The following DIDO1 variants were observed in gnomAD, a reference collection of about 807,000 sequenced individuals.
The protein encoded by DIDO1 is death-inducer obliterator 1.
A neutral mutation model predicts 99.4 loss-of-function variants in DIDO1; 16 were observed. The observed-to-expected ratio is 0.16, with a 90% CI of 0.11 to 0.24. The LOEUF (loss-of-function observed/expected upper bound fraction) is 0.24. DIDO1 is among the 10% of genes least tolerant of loss of function. DIDO1 has a pLI of 1.00. For missense variants in DIDO1, 2,996 were observed against 3,014.0 expected (o/e 0.99, Z 0.14); for synonymous variants, 1,366 against 1,239.1 (o/e 1.10, Z -2.15).
At chr20:62,926,677 A>G (rs1354191419), upstream of DIDO1, among the ~76,000 whole-genome samples, 1 of 152,158 alleles carries the variant, frequency 6.6e-6, no homozygotes, top group Non-Finnish European at 1.5e-5. Flanking sequence ...TGCACTGACA[A>G]TGACTTGCTT....
At chr20:62,895,908 G>A (rs2064509311) in intron 8 of DIDO1, among the ~76,000 whole-genome samples, 1 of 152,226 alleles carries the variant, frequency 6.6e-6, no homozygotes, top group African/African-American at 2.4e-5. Flanking sequence ...CTGGGATGAA[G>A]AACTGGACTT....
intron 4 of DIDO1, among the ~76,000 whole-genome samples, chr20:62,908,131 C>T (rs1187274874): frequency 6.6e-6 from 1 of 152,108 alleles, no homozygotes; most frequent in Admixed American, 6.5e-5. Context: ...AGGCACATAC[C>T]ACCACGCCCA....
intron 1 of DIDO1, among the ~76,000 whole-genome samples, chr20:62,936,720 T>G (rs926052059): frequency 7.5e-5 from 11 of 146,514 alleles, no homozygotes; most frequent in African/African-American, 2.8e-4. Context: ...AAAAATTAGC[T>G]GGGCGTGGTG....
At chr20:62,930,109 A>G (rs111258417), upstream of DIDO1, among the ~76,000 whole-genome samples, 1 of 151,960 alleles carries the variant, frequency 6.6e-6, no homozygotes, top group East Asian at 1.9e-4. Flanking sequence ...GCGTGGTGGC[A>G]GGCGCCTGTA....
Position 62,937,331 on chromosome 20 carries a change from C to G in DIDO1, c.-200+465G>C, listed in dbSNP as rs2065400187. Among the ~76,000 whole-genome samples the G allele has an allele frequency of 3.9e-5, 6 of 152,316 alleles. No individual in the cohort carries two copies. In the South Asian group the frequency reaches 1.2e-3, roughly 32 times the overall value. ...GACAGGCAATAAGCAAGTAAACGCG[C>G]AAATACCCAAGTGCGGCCTCAACCC... On this transcript the variant is annotated intron_variant, in intron 1 of 15. Coordinates refer to the DIDO1 transcript ENST00000266070.
At chr20:62,893,006 C>G (rs756077267) in intron 12 of DIDO1, 44 bp from the exon 13 acceptor site, 2 of 1,551,774 alleles carry the variant, frequency 1.3e-6, no homozygotes, top group African/African-American at 1.4e-5. Flanking sequence ...TCTCTCTGTG[C>G]AATGAGAATT....
At chr20:62,937,205 G>A (rs895596170) in intron 1 of DIDO1, among the ~76,000 whole-genome samples, 3 of 152,202 alleles carry the variant, frequency 2.0e-5, no homozygotes, top group African/African-American at 4.8e-5. Context: ...GCCCCTCAAG[G>A]ACTCTATTTC....
intron 1 of DIDO1, among the ~76,000 whole-genome samples, chr20:62,922,466 G>A (rs2147569991): frequency 6.6e-6 from 1 of 152,196 alleles, no homozygotes; most frequent in Non-Finnish European, 1.5e-5. Context: ...ACCTGTCTAT[G>A]AATGCAGGGT....
upstream of DIDO1, among the ~76,000 whole-genome samples, chr20:62,927,406 A>T (rs1054962782): frequency 4.6e-5 from 7 of 152,060 alleles, no homozygotes; most frequent in East Asian, 1.3e-3. Context: ...CTAGAGTGAC[A>T]CTCTATCACC....
intron 6 of DIDO1, among the ~76,000 whole-genome samples, chr20:62,899,414 A>G (rs1279325633): frequency 2.6e-5 from 4 of 152,150 alleles, no homozygotes; most frequent in Non-Finnish European, 5.9e-5. Flanking sequence ...CTTCAAAACC[A>G]TCAACTCCAT....
chr20:62,914,051 C>A (rs2064996222), intron 2 of DIDO1, among the ~76,000 whole-genome samples, 159 bp downstream of exon 2: 1 of 152,232 alleles, frequency 6.6e-6, no homozygotes, highest in Non-Finnish European at 1.5e-5. Flanking sequence ...GCAGAATCTG[C>A]TGCTATAGAG....
At position 62,879,010 on chromosome 20, in the gene DIDO1, T is replaced by G. The variant is rs925006267; in HGVS notation, c.*223A>C. The G allele has an allele frequency of 1.3e-5, 6 of 456,080 alleles. No individual in the cohort carries two copies. The highest frequency in any genetic ancestry group is 1.9e-5 in the Non-Finnish European group (5 of 266,424). The allele number at this position is 456,080 out of a possible 1,614,324, so 28.3% of individuals were successfully genotyped here. A position where few individuals can be genotyped will look rare whatever the true frequency, so the allele number is the denominator to read the frequency against. On this transcript the variant is annotated 3_prime_UTR_variant, in exon 16 of 16. Transcript: ENST00000395343. The surrounding 1 kb of genome is among the most constrained non-coding windows in gnomAD (Gnocchi z 6.3). ...TATGCTCCGTAGGCAATTTCCCATT[T>G]CTTTTAATTTTAAATGGAAATATTA... is the stretch of plus-strand genomic sequence containing the variant.
At chr20:62,927,596 C>A (rs1173198246), upstream of DIDO1, among the ~76,000 whole-genome samples, 1 of 152,226 alleles carries the variant, frequency 6.6e-6, no homozygotes, top group Non-Finnish European at 1.5e-5. Flanking sequence ...GAAGCATGGA[C>A]CATCTAGCCT....
chr20:62,889,537 G>A (rs1434616823), intron 15 of DIDO1: 1 of 985,360 alleles, frequency 1.0e-6, no homozygotes, highest in African/African-American at 1.7e-5. Context: ...GTGCTGAGGT[G>A]CTGCAGTGTC....
chr20:62,923,327 C>A (rs944303986), intron 1 of DIDO1, among the ~76,000 whole-genome samples: 1 of 152,248 alleles, frequency 6.6e-6, no homozygotes, highest in African/African-American at 2.4e-5. Context: ...AGGCACGTAC[C>A]ACCACACCCA....
At chr20:62,937,013 A>G (rs1473524407) in intron 1 of DIDO1, among the ~76,000 whole-genome samples, 1 of 152,266 alleles carries the variant, frequency 6.6e-6, no homozygotes, top group African/African-American at 2.4e-5. Context: ...GATTAACGGA[A>G]AATGTCCAAA....
At chr20:62,921,444 G>A (rs2065134434) in intron 1 of DIDO1, among the ~76,000 whole-genome samples, 1 of 152,160 alleles carries the variant, frequency 6.6e-6, no homozygotes, top group African/African-American at 2.4e-5. Context: ...GCAGTGACAG[G>A]TACTGCTTTA....
chr20:62,931,247 T>C (rs145150768), upstream of DIDO1, among the ~76,000 whole-genome samples: 5 of 152,310 alleles, frequency 3.3e-5, no homozygotes, highest in Non-Finnish European at 5.9e-5. Context: ...AGCTGCAGTA[T>C]TTCTATATCT....
At chr20:62,900,461 G>T (rs1374493839) in intron 6 of DIDO1, among the ~76,000 whole-genome samples, 3 of 152,200 alleles carry the variant, frequency 2.0e-5, no homozygotes, top group African/African-American at 7.2e-5. Flanking sequence ...GAGACGGGGA[G>T]GAGAAAATCA....
Sources: allele counts gnomAD v4.1 joint callset (sites outside exome capture counted in the v4.1 genomes callset), GRCh38; gene constraint gnomAD v4.1.1; non-coding constraint Gnocchi (gnomAD v3.1); transcripts MANE v1.5; gene names NCBI Gene and HGNC (gene_info 2026-07-23, HGNC 2026-07-21).